SYT1: variants seen among roughly 807,000 people sequenced by gnomAD.
The protein encoded by SYT1 is synaptotagmin-1.
In SYT1, 8 loss-of-function variants were observed where a neutral mutation model predicts 44.8. The observed-to-expected ratio is 0.18, with a 90% CI of 0.10 to 0.32. The LOEUF (loss-of-function observed/expected upper bound fraction) is 0.32. SYT1 is among the 10% of genes least tolerant of loss of function. SYT1 has a pLI of 1.00. For missense variants in SYT1, 286 were observed against 509.3 expected (o/e 0.56, Z 4.22); for synonymous variants, 154 against 188.8 (o/e 0.82, Z 1.51).
chr12:79,296,956 C>CTT (rs1456534113), intron 7 of SYT1, among the ~76,000 whole-genome samples: 2 of 152,056 alleles, frequency 1.3e-5, no homozygotes, highest in Non-Finnish European at 2.9e-5. Flanking sequence ...GCGAAAAAAA[C>CTT]TTTTTAATGC....
At chr12:79,004,470 A>G (rs1457171974) in intron 2 of SYT1, among the ~76,000 whole-genome samples, 4 of 152,010 alleles carry the variant, frequency 2.6e-5, no homozygotes, top group African/African-American at 7.2e-5. Flanking sequence ...AAGTAATTGT[A>G]TAAATTACTT....
intron 3 of SYT1, among the ~76,000 whole-genome samples, chr12:79,070,872 A>G (rs1237314943): frequency 1.3e-5 from 2 of 152,146 alleles, no homozygotes; most frequent in Admixed American, 1.3e-4. Context: ...TGAATCTGAA[A>G]TAAAAGTTGA....
chr12:79,127,753 C>T (rs956310496), intron 3 of SYT1, among the ~76,000 whole-genome samples: 6 of 152,172 alleles, frequency 3.9e-5, no homozygotes, highest in African/African-American at 1.4e-4. Flanking sequence ...ACGAAAAGCT[C>T]ATAGGAGTCC....
intron 3 of SYT1, among the ~76,000 whole-genome samples, chr12:79,137,066 A>G (rs574428444): frequency 6.6e-5 from 10 of 152,040 alleles, no homozygotes; most frequent in Non-Finnish European, 1.5e-4. Context: ...CAATAAATTG[A>G]TATGTTCCAA....
intron 8 of SYT1, among the ~76,000 whole-genome samples, chr12:79,301,568 T>A (rs747179280): frequency 6.6e-6 from 1 of 152,140 alleles, no homozygotes; most frequent in Non-Finnish European, 1.5e-5. Context: ...GTACCCAGCA[T>A]AGAGTCTGGC....
At chr12:79,062,185 T>C (rs1875439930) in intron 3 of SYT1, among the ~76,000 whole-genome samples, 2 of 152,150 alleles carry the variant, frequency 1.3e-5, no homozygotes, top group African/African-American at 4.8e-5. Context: ...CCAGCTTCCC[T>C]AGGTCTATGT....
chr12:78,986,610 A>G (rs547639349), intron 2 of SYT1, among the ~76,000 whole-genome samples: 8 of 152,002 alleles, frequency 5.3e-5, no homozygotes, highest in Non-Finnish European at 1.2e-4. Flanking sequence ...TGAAAATCGC[A>G]TTTCTCCTGA....
intron 8 of SYT1, among the ~76,000 whole-genome samples, chr12:79,318,342 G>A (rs1042777607): frequency 6.6e-6 from 1 of 152,220 alleles, no homozygotes; most frequent in Admixed American, 6.5e-5. Flanking sequence ...ATGGTCACCA[G>A]GTGATTTTCA....
intron 3 of SYT1, among the ~76,000 whole-genome samples, chr12:79,118,854 T>A (rs1327216410): frequency 6.6e-6 from 1 of 152,230 alleles, no homozygotes; most frequent in East Asian, 1.9e-4. Context: ...TTGCTACTTA[T>A]ATACTCTGAT....
chr12:79,000,288 CTTTTT>C (rs559894598), intron 2 of SYT1, among the ~76,000 whole-genome samples: 7 of 112,922 alleles, frequency 6.2e-5, no homozygotes, highest in African/African-American at 6.6e-5. Context: ...TTAACTGCTT[CTTTTT>C]TTTTTTTTTT....
chr12:79,154,141 T>C (rs996246894), intron 3 of SYT1, among the ~76,000 whole-genome samples: 1 of 152,082 alleles, frequency 6.6e-6, no homozygotes, highest in Non-Finnish European at 1.5e-5. Context: ...ACCTGATTCT[T>C]GGTTAAATTT....
Position 79,351,750 on chromosome 12 carries a change from A to G in SYT1, c.811-1752A>G, listed in dbSNP as rs971148391. Among the ~76,000 whole-genome samples the G allele has an allele frequency of 3.9e-5, 6 of 152,170 alleles. No individual in the cohort carries two copies. The South Asian group carries it at 1.2e-3, about 32-fold the overall frequency. ...TATAAATTAATTCCTAGGAGTGAGT[A>G]GGCACATCAGGTGAATTCAGCACAT... On this transcript the variant is annotated intron_variant, in intron 8 of 10. Coordinates refer to ENST00000261205, the MANE Select transcript of SYT1 (RefSeq NM_005639.3).
chr12:79,427,078 C>T (rs1353614759), intron 9 of SYT1, among the ~76,000 whole-genome samples: 1 of 152,284 alleles, frequency 6.6e-6, no homozygotes, highest in East Asian at 1.9e-4. Context: ...AACTTCTTTC[C>T]TTTATAAATT....
At chr12:79,293,411 T>TAAAATAAAATAAAATA (rs1565894734) in intron 6 of SYT1, among the ~76,000 whole-genome samples, 13 of 62,996 alleles carry the variant, frequency 2.1e-4, no homozygotes, top group South Asian at 1.4e-3. Context: ...AAAATAAAAT[T>TAAAATAAAATAAAATA]AAAAAATCTG....
At chr12:79,004,004 T>C (rs1870914102) in intron 2 of SYT1, among the ~76,000 whole-genome samples, 1 of 151,962 alleles carries the variant, frequency 6.6e-6, no homozygotes, top group African/African-American at 2.4e-5. Flanking sequence ...GTAACTGTGA[T>C]GCCACTAATA....
intron 1 of SYT1, among the ~76,000 whole-genome samples, chr12:78,929,406 T>A (rs1236142452): frequency 1.7e-4 from 1 of 5,790 alleles, no homozygotes; most frequent in Admixed American, 2.5e-3. Flanking sequence ...AGAGACTCCG[T>A]CCCAAAAAAA....
At chr12:79,012,280 A>G (rs1871464650) in intron 2 of SYT1, among the ~76,000 whole-genome samples, 1 of 152,158 alleles carries the variant, frequency 6.6e-6, no homozygotes, top group Admixed American at 6.5e-5. Flanking sequence ...GTTGAGGAGT[A>G]GACAGACCAC....
chr12:78,962,010 C>T (rs866865689), intron 1 of SYT1, among the ~76,000 whole-genome samples: 69 of 152,062 alleles, frequency 4.5e-4, no homozygotes, highest in Admixed American at 2.6e-3. Flanking sequence ...ACGAATGTAT[C>T]GGATTATGTT....
chr12:79,290,539 A>G (rs1457827294), intron 5 of SYT1, among the ~76,000 whole-genome samples: 1 of 152,186 alleles, frequency 6.6e-6, no homozygotes, highest in African/African-American at 2.4e-5. Flanking sequence ...TACTTCTTGC[A>G]TTTGAGTTCT....
Sources: allele counts gnomAD v4.1 joint callset (sites outside exome capture counted in the v4.1 genomes callset), GRCh38; gene constraint gnomAD v4.1.1; transcripts MANE v1.5; gene names NCBI Gene and HGNC (gene_info 2026-07-23, HGNC 2026-07-21).